EPHB1: variants seen among roughly 807,000 people sequenced by gnomAD.
EPHB1 encodes ephrin type-B receptor 1.
Under a neutral mutation model 94.4 loss-of-function variants are expected in EPHB1, and 30 were observed. That is an observed-to-expected ratio of 0.32 (90% CI 0.24 to 0.43). The LOEUF (loss-of-function observed/expected upper bound fraction) is 0.43. EPHB1 is among the 20% of genes least tolerant of loss of function. The pLI, the probability that EPHB1 is intolerant of heterozygous loss-of-function variation, is 1.00. For missense variants in EPHB1, 1,055 were observed against 1,308.3 expected (o/e 0.81, Z 2.99); for synonymous variants, 522 against 489.1 (o/e 1.07, Z -0.89).
At chr3:134,897,931 C>A (rs962553319) in intron 1 of EPHB1, among the ~76,000 whole-genome samples, 2 of 152,182 alleles carry the variant, frequency 1.3e-5, no homozygotes, top group African/African-American at 4.8e-5. Flanking sequence ...CTGGGAGGAG[C>A]CCAAGCTGTA....
At chr3:135,123,462 C>T (rs1940062683) in intron 4 of EPHB1, among the ~76,000 whole-genome samples, 1 of 152,088 alleles carries the variant, frequency 6.6e-6, no homozygotes, top group Admixed American at 6.6e-5. Flanking sequence ...AAATCTGCTC[C>T]AGGGAAAGGA....
chr3:135,209,128 A>G (rs1450913544), intron 12 of EPHB1, among the ~76,000 whole-genome samples: 1 of 152,246 alleles, frequency 6.6e-6, no homozygotes, highest in Admixed American at 6.5e-5. Flanking sequence ...TAATATGCAT[A>G]TAAATGAACA....
At chr3:134,996,125 A>G (rs1325092665) in intron 3 of EPHB1, among the ~76,000 whole-genome samples, 1 of 152,220 alleles carries the variant, frequency 6.6e-6, no homozygotes, top group East Asian at 1.9e-4. Flanking sequence ...TCCTAATAAT[A>G]ATCAACAATA....
rs1393636966 is a variant in EPHB1, at chr3:134,802,361, AAAG to A, written c.58+6676_58+6678del. Among the ~76,000 whole-genome samples, 6 of 151,898 alleles carry A rather than the reference AAAG, an allele frequency of 4.0e-5. No homozygotes were observed. The East Asian group carries it at 9.7e-4, about 25-fold the overall frequency. On this transcript the variant is annotated intron_variant, in intron 1 of 15. Transcript: ENST00000398015. ...ACTCTGTCTCACGAAAAAAAAAAAA[AAAG>A]AAGCAGGGGCTGACAATTGTAGATA... is the stretch of plus-strand genomic sequence containing the variant.
chr3:135,259,023 G>A lies in EPHB1; in HGVS notation c.2858G>A (p.Arg953Lys), dbSNP rs1933536840. The A allele has an allele frequency of 6.2e-7, 1 of 1,607,398 alleles. No individual in the cohort carries two copies. Among genetic ancestry groups the A allele is most frequent in the Non-Finnish European group, 8.5e-7 (1 of 1,177,030 alleles). The change falls in exon 16 of 16, where the codon AGA (arginine) becomes AAA (lysine). Residue 953 changes from arginine (R) to lysine (K), a missense_variant. By Grantham distance (26) the Arg-to-Lys change is conservative. Transcript: ENST00000398015. ...CTCTTTCCTCCTAGAGACCTCCTGA[G>A]AATAGGCATCACCTTGGCAGGCCAT... ...VTQMTSEDLL[R>K]IGITLAGHQK...
At chr3:135,005,607 G>A (rs1010372788) in intron 3 of EPHB1, among the ~76,000 whole-genome samples, 3 of 152,198 alleles carry the variant, frequency 2.0e-5, no homozygotes, top group Non-Finnish European at 4.4e-5. Context: ...AGCAATCAGC[G>A]AGACTCCGTG....
chr3:134,925,041 C>A (rs2038762106), intron 1 of EPHB1, among the ~76,000 whole-genome samples: 1 of 152,154 alleles, frequency 6.6e-6, no homozygotes, highest in Admixed American at 6.5e-5. Flanking sequence ...TGTATCAAAT[C>A]ATACATTTTA....
chr3:135,212,967 T>A (rs1363443259), intron 12 of EPHB1, among the ~76,000 whole-genome samples: 4 of 152,246 alleles, frequency 2.6e-5, no homozygotes, highest in Admixed American at 6.5e-5. Context: ...AAGACCTCTC[T>A]ACTCCATCTT....
intron 3 of EPHB1, among the ~76,000 whole-genome samples, chr3:134,997,116 T>C (rs1161125933): frequency 6.6e-6 from 1 of 152,216 alleles, no homozygotes; most frequent in African/African-American, 2.4e-5. Context: ...GGATATAAAG[T>C]AGGGATTTAG....
chr3:134,965,364 C>A lies in EPHB1; in HGVS notation c.805+13312C>A, dbSNP rs192992591. Among the ~76,000 whole-genome samples, 3 of 152,314 alleles carry A rather than the reference C, an allele frequency of 2.0e-5. No individual in the cohort carries two copies. The East Asian group carries it at 5.8e-4, about 29-fold the overall frequency. ...CATGTTCCTTCCCCTGCTCTACCTA[C>A]CCTGCCTATCTCTGCCTACCTACCC... On this transcript the variant is annotated intron_variant, in intron 3 of 15. Transcript: ENST00000398015.
chr3:134,890,078 A>G (rs2037946105), intron 1 of EPHB1, among the ~76,000 whole-genome samples: 1 of 152,106 alleles, frequency 6.6e-6, no homozygotes, highest in African/African-American at 2.4e-5. Flanking sequence ...TATCCCCAAT[A>G]TACTCTACAA....
rs768613191 is a variant in EPHB1, at chr3:135,201,572, G to C, written c.2229G>C (p.Arg743=). ...TGGCTGAGATGAATTATGTGCATCGGGACCTGGCTGCTAGGAACATTCTGG... is the reference window on the plus strand; with the variant it reads ...TGGCTGAGATGAATTATGTGCATCGCGACCTGGCTGCTAGGAACATTCTGG... ...KYLAEMNYVH[R]DLAARNILVN... The change falls in exon 12 of 16, where the codon CGG becomes CGC. Residue 743 remains arginine (R), a synonymous_variant. Coordinates refer to ENST00000398015, the MANE Select transcript of EPHB1 (RefSeq NM_004441.5). 6.2e-7 allele frequency: 1 copy of C among 1,613,978 alleles called. No homozygotes were observed. The highest frequency in any genetic ancestry group is 8.5e-7 in the Non-Finnish European group (1 of 1,180,004).
intron 1 of EPHB1, among the ~76,000 whole-genome samples, chr3:134,839,958 C>T (rs1276350578): frequency 6.6e-6 from 1 of 152,170 alleles, no homozygotes; most frequent in Non-Finnish European, 1.5e-5. Flanking sequence ...CCTGGGGCAT[C>T]CCACAATGAG....
intron 1 of EPHB1, among the ~76,000 whole-genome samples, chr3:134,879,714 G>A (rs1157637598): frequency 6.6e-6 from 1 of 152,056 alleles, no homozygotes; most frequent in East Asian, 1.9e-4. Flanking sequence ...ATTAGAGCAA[G>A]GGAATCTAGT....
chr3:135,049,729 A>G (rs148429510), intron 3 of EPHB1, among the ~76,000 whole-genome samples: 84 of 152,286 alleles, frequency 5.5e-4, no homozygotes, highest in African/African-American at 1.9e-3. Context: ...AGGTTTTGAT[A>G]CCTCTTTATA....
chr3:135,075,771 C>T (rs1937889019), intron 3 of EPHB1, among the ~76,000 whole-genome samples: 1 of 152,216 alleles, frequency 6.6e-6, no homozygotes, highest in African/African-American at 2.4e-5. Context: ...CTAATTCTTA[C>T]TGAGTGTGGA....
chr3:134,981,495 A>T (rs1934401064), intron 3 of EPHB1, among the ~76,000 whole-genome samples: 1 of 152,224 alleles, frequency 6.6e-6, no homozygotes, highest in East Asian at 1.9e-4. Context: ...CACTTTCCAG[A>T]GCTAAAATTA....
At chr3:134,812,995 C>T (rs975729504) in intron 1 of EPHB1, among the ~76,000 whole-genome samples, 11 of 152,094 alleles carry the variant, frequency 7.2e-5, no homozygotes, top group Non-Finnish European at 8.8e-5. Flanking sequence ...CAGAGTGACC[C>T]CACTCACACT....
At chr3:135,130,382 G>C (rs1369654690) in intron 4 of EPHB1, among the ~76,000 whole-genome samples, 1 of 152,198 alleles carries the variant, frequency 6.6e-6, no homozygotes, top group Non-Finnish European at 1.5e-5. Flanking sequence ...GAAAGCCAAA[G>C]GAAAAGCAGT....
Sources: gnomAD v4.1 joint callset for allele counts (sites outside exome capture counted in the v4.1 genomes callset) on GRCh38, gnomAD v4.1.1 for gene constraint, MANE v1.5 for transcripts, NCBI Gene and HGNC (gene_info 2026-07-23, HGNC 2026-07-21) for gene names.